BICD2: variants seen among roughly 807,000 people sequenced by gnomAD.
BICD2 encodes the protein protein bicaudal D homolog 2.
A neutral mutation model predicts 72.9 loss-of-function variants in BICD2; 25 were observed. That is an observed-to-expected ratio of 0.34 (90% CI 0.25 to 0.48). BICD2 has a LOEUF of 0.48. Ranked by LOEUF, BICD2 falls within the 20% of genes least tolerant of loss-of-function variation. The pLI is 0.99. For missense variants in BICD2, 894 were observed against 1,175.2 expected (o/e 0.76, Z 3.50); for synonymous variants, 501 against 516.1 (o/e 0.97, Z 0.40).
At chr9:92,715,551 G>A (rs958927688) in intron 6 of BICD2, 88 bp from the exon 7 acceptor site, 6 of 1,328,766 alleles carry the variant, frequency 4.5e-6, no homozygotes, top group Non-Finnish European at 3.1e-6. Context: ...ACGGCCCTCT[G>A]ACAGCCCTAT....
intron 1 of BICD2, among the ~76,000 whole-genome samples, chr9:92,741,222 G>A (rs1219371294): frequency 6.6e-6 from 1 of 152,098 alleles, no homozygotes. Context: ...CAAAGGGCAG[G>A]GACTCATGGA....
rs1201921180 is a variant in BICD2, at chr9:92,713,976, C to CG, written c.*1177dup. 5.1e-6 allele frequency: 5 copies of CG among 987,208 alleles called. No individual in the cohort carries two copies. Among genetic ancestry groups the CG allele is most frequent in the African/African-American group, 3.5e-5 (2 of 57,342 alleles). 61.2% of individuals were successfully genotyped at this position (987,208 alleles called of 1,614,324 possible). A position where few individuals can be genotyped will look rare whatever the true frequency, so the allele number is the denominator to read the frequency against. On this transcript the variant is annotated 3_prime_UTR_variant, in exon 7 of 7. Transcript: ENST00000356884. ...GGTCCAGCTGGTCCCACAGGGTGAT[C>CG]GGGAAAAAAGTACTGAGAAAAGTTC...
In BICD2 at chr9:92,719,219, C is replaced by A. The variant is rs1232860433; in HGVS notation, c.1426G>T (p.Ala476Ser). 1 of 1,611,522 alleles carries A rather than the reference C, an allele frequency of 6.2e-7. No homozygotes were observed. Among genetic ancestry groups the A allele is most frequent in the East Asian group, 2.2e-5 (1 of 44,878 alleles). ...TTCTCCGTGAGTGCCTGGCCCTCAG[C>A]CTCATAGCGGCCCTTCTCCTCGGCG... is the stretch of plus-strand genomic sequence containing the variant. ...QHAEEKGRYE[A>S]EGQALTEKVS... Residue 476 changes from alanine to serine, a missense_variant, in exon 5 of 7, where the codon GCT becomes TCT. Transcript: ENST00000356884.
chr9:92,757,312 CAAAAAAAAAAA>C (rs1169381290), intron 1 of BICD2, among the ~76,000 whole-genome samples: 5 of 52,748 alleles, frequency 9.5e-5, no homozygotes, highest in Admixed American at 6.1e-4. Context: ...AGACTGTCTC[CAAAAAAAAAAA>C]AAAAAAAAAA....
At chr9:92,736,297 T>C (rs541355739) in intron 1 of BICD2, among the ~76,000 whole-genome samples, 10 of 152,370 alleles carry the variant, frequency 6.6e-5, no homozygotes, top group African/African-American at 2.2e-4. Flanking sequence ...GCTCATTATA[T>C]GCTAATTATA....
At chr9:92,725,606 C>T (rs547197980) in intron 2 of BICD2, among the ~76,000 whole-genome samples, 4 of 152,238 alleles carry the variant, frequency 2.6e-5, no homozygotes, top group African/African-American at 4.8e-5. Context: ...ACTGGGCAGC[C>T]CAAATGAAGG....
chr9:92,764,771 A>G lies in BICD2; in HGVS notation c.-27T>C. On this transcript the variant is annotated 5_prime_UTR_variant, in exon 1 of 7. Transcript: ENST00000356884. This position sits in a 1 kb window ranked among gnomAD's most constrained non-coding sequence, Gnocchi z 5.5. The stretch of plus-strand genomic sequence containing the variant: ...GTGGCCGAGGGCTGAGCCGGCTCCC[A>G]CTGAGGCTCTCGCAGGCCGGGCCCT... 6.7e-7 allele frequency: 1 copy of G among 1,484,018 alleles called. No individual in the cohort carries two copies. The highest frequency in any genetic ancestry group is 8.9e-7 in the Non-Finnish European group (1 of 1,122,724). 91.9% of individuals were successfully genotyped at this position (1,484,018 alleles called of 1,614,324 possible). A position where few individuals can be genotyped will look rare whatever the true frequency, so the allele number is the denominator to read the frequency against.
rs773614727 is a variant in BICD2, at chr9:92,720,788, G to A, written c.607-33C>T. The stretch of plus-strand genomic sequence containing the variant: ...GAGAAGTCAACGCTCTTGCATCAAT[G>A]CAATGTGGAAGCTCCTTTCAGGCCC... On this transcript the variant is annotated intron_variant, in intron 3 of 6. Coordinates refer to ENST00000356884, the MANE Select transcript of BICD2 (RefSeq NM_001003800.2). This position sits in a 1 kb window ranked among gnomAD's most constrained non-coding sequence, Gnocchi z 5.4. 1.9e-6 allele frequency: 3 copies of A among 1,596,836 alleles called. No homozygotes were observed. In the African/African-American group the frequency reaches 4.0e-5, roughly 22 times the overall value.
At position 92,729,222 on chromosome 9, in the gene BICD2, T is replaced by G. The variant is rs1172177145; in HGVS notation, c.255A>C (p.Ala85=). The change falls in exon 2 of 7, where the codon GCA becomes GCC. Residue 85 remains alanine, a synonymous_variant. Transcript: ENST00000356884. Reference sequence around the variant, plus strand: ...CAGCCACCTTCTTGTGGTTTGTGTGTGCTTGTCCAAAGGCCTGCATCAGAA... The same window carrying G: ...CAGCCACCTTCTTGTGGTTTGTGTGGGCTTGTCCAAAGGCCTGCATCAGAA... ...MEQLKEAFGQ[A]HTNHKKVAAD... is the part of the protein sequence containing the mutation. The G allele has an allele frequency of 6.2e-7, 1 of 1,614,056 alleles. No homozygotes were observed. Among genetic ancestry groups the G allele is most frequent in the East Asian group, 2.2e-5 (1 of 44,900 alleles).
In BICD2 at chr9:92,715,039, TCCTACCCTCTGTGC is replaced by T; in HGVS notation, c.*101_*114del. ...ACGCCCCATGGCGCCTCGGCTAGAC[TCCTACCCTCTGTGC>T]ATTAGTCACGTTAAGATTGACCTAG... On this transcript the variant is annotated 3_prime_UTR_variant, in exon 7 of 7. Coordinates refer to ENST00000356884, the MANE Select transcript of BICD2 (RefSeq NM_001003800.2). 1 of 1,454,956 alleles carries T rather than the reference TCCTACCCTCTGTGC, an allele frequency of 6.9e-7. No individual in the cohort carries two copies. The highest frequency in any genetic ancestry group is 9.1e-7 in the Non-Finnish European group (1 of 1,102,434). 90.1% of individuals were successfully genotyped at this position (1,454,956 alleles called of 1,614,324 possible).
intron 1 of BICD2, among the ~76,000 whole-genome samples, chr9:92,757,225 AG>A (rs1854277498): frequency 6.9e-6 from 1 of 145,348 alleles, no homozygotes. Context: ...GAGGTAGGAG[AG>A]TTGCTTGAAC....
At position 92,764,250 on chromosome 9, in the gene BICD2, G is replaced by A. The variant is rs1199868977; in HGVS notation, c.240+255C>T. On this transcript the variant is annotated intron_variant, in intron 1 of 6. Coordinates refer to ENST00000356884, the MANE Select transcript of BICD2 (RefSeq NM_001003800.2). The surrounding 1 kb of genome is among the most constrained non-coding windows in gnomAD (Gnocchi z 5.5). ...CGCCGGGGCCGCCCAGGTCCGCACAGAAGCAGGCGGGCAGCTGCAGGAGGC... is the reference window on the plus strand; with the variant it reads ...CGCCGGGGCCGCCCAGGTCCGCACAAAAGCAGGCGGGCAGCTGCAGGAGGC... Among the ~76,000 whole-genome samples the A allele has an allele frequency of 6.6e-6, 1 of 151,846 alleles. No individual in the cohort carries two copies.
rs574802805 is a variant in BICD2 at position 92,744,306 on chromosome 9, A to G, written c.241-15070T>C. The stretch of plus-strand genomic sequence containing the variant: ...AAAAAAGTACGGTGCAACTCCATCT[A>G]TAAGAAGTCAAAACCAGGCAAGATA... On this transcript the variant is annotated intron_variant, in intron 1 of 6. Transcript: ENST00000356884. Among the ~76,000 whole-genome samples the G allele has an allele frequency of 4.6e-5, 7 of 152,322 alleles. No homozygotes were observed. The East Asian group carries it at 1.2e-3, about 25-fold the overall frequency.
chr9:92,719,228 G>A lies in BICD2; in HGVS notation c.1417C>T (p.Arg473Cys), dbSNP rs142203302. Residue 473 changes from arginine to cysteine, a missense_variant, in exon 5 of 7, where the codon CGC becomes TGC. Arg to Cys is a radical substitution (Grantham distance 180). This residue lies in a region of BICD2 where 371 missense variants were observed against 439.1 expected (regional missense o/e 0.84). Transcript: ENST00000356884. Reference sequence around the variant, plus strand: ...AGTGCCTGGCCCTCAGCCTCATAGCGGCCCTTCTCCTCGGCGTGCTGGGCC... The same window carrying A: ...AGTGCCTGGCCCTCAGCCTCATAGCAGCCCTTCTCCTCGGCGTGCTGGGCC... Reference protein sequence around the residue: ...REAQHAEEKGRYEAEGQALTE... With the variant: ...REAQHAEEKGCYEAEGQALTE... 41 of 1,611,718 alleles carry A rather than the reference G, an allele frequency of 2.5e-5. No individual in the cohort carries two copies. The highest frequency in any genetic ancestry group is 3.1e-5 in the Non-Finnish European group (37 of 1,179,974).
chr9:92,729,850 G>A (rs1381302229), intron 1 of BICD2, among the ~76,000 whole-genome samples: 1 of 152,250 alleles, frequency 6.6e-6, no homozygotes, highest in Non-Finnish European at 1.5e-5. Flanking sequence ...AGGAACAAGG[G>A]GCGCGGGGGC....
Position 92,729,242 on chromosome 9 carries a change from T to G in BICD2, c.241-6A>C. The stretch of plus-strand genomic sequence containing the variant: ...GTGTGTGCTTGTCCAAAGGCCTGCA[T>G]CAGAAGACAAGACACTCGTGAGGTG... On this transcript the variant is annotated splice_polypyrimidine_tract_variant and splice_region_variant and intron_variant, in intron 1 of 6. Transcript: ENST00000356884. 6.2e-7 allele frequency: 1 copy of G among 1,613,872 alleles called. No individual in the cohort carries two copies. The highest frequency in any genetic ancestry group is 1.1e-5 in the South Asian group (1 of 91,090).
chr9:92,714,395 G>T lies in BICD2; in HGVS notation c.*759C>A. On this transcript the variant is annotated 3_prime_UTR_variant, in exon 7 of 7. Transcript: ENST00000356884. ...CAGGCACTTGGAAAGCTTTTCTCAT[G>T]AAAAATGAAAACCTGGGGCCTTGGG... 1 of 985,498 alleles carries T rather than the reference G, an allele frequency of 1.0e-6. No homozygotes were observed. The highest frequency in any genetic ancestry group is 1.2e-6 in the Non-Finnish European group (1 of 829,964). The allele number at this position is 985,498 out of a possible 1,614,324, so 61.0% of individuals were successfully genotyped here.
chr9:92,714,932 G>C lies in BICD2; in HGVS notation c.*222C>G. The C allele has an allele frequency of 7.3e-7, 1 of 1,364,312 alleles. No homozygotes were observed. Among genetic ancestry groups the C allele is most frequent in the Non-Finnish European group, 9.4e-7 (1 of 1,061,766 alleles). 84.5% of individuals were successfully genotyped at this position (1,364,312 alleles called of 1,614,324 possible). ...CCACCTCTGACCCCCACCTAAGAGA[G>C]CAGCTGAGGACTGGGTGCTCCTGAG... On this transcript the variant is annotated 3_prime_UTR_variant, in exon 7 of 7. Coordinates refer to ENST00000356884, the MANE Select transcript of BICD2 (RefSeq NM_001003800.2).
At chr9:92,736,596 T>C (rs1051705617) in intron 1 of BICD2, among the ~76,000 whole-genome samples, 6 of 152,210 alleles carry the variant, frequency 3.9e-5, no homozygotes, top group Non-Finnish European at 8.8e-5. Context: ...GCCTATGGAG[T>C]AGCAATTCTT....
Sources: allele counts gnomAD v4.1 joint callset (sites outside exome capture counted in the v4.1 genomes callset), GRCh38; gene constraint gnomAD v4.1.1; regional missense constraint gnomAD v4.1.1; non-coding constraint Gnocchi (gnomAD v3.1); transcripts MANE v1.5; gene names NCBI Gene and HGNC (gene_info 2026-07-23, HGNC 2026-07-21).